KIF3B: variants seen among roughly 807,000 people sequenced by gnomAD.
KIF3B encodes the protein kinesin family member 3B.
Under a neutral mutation model 74.3 loss-of-function variants are expected in KIF3B, and 38 were observed. The observed-to-expected ratio is 0.51, with a 90% CI of 0.39 to 0.67. The LOEUF (loss-of-function observed/expected upper bound fraction) is 0.67. Ranked by LOEUF, KIF3B falls within the 30% of genes least tolerant of loss-of-function variation. The probability of loss-of-function intolerance (pLI) is 0.00; values close to 1 mark genes in which losing one functional copy is unlikely to be tolerated. For missense variants in KIF3B, 649 were observed against 932.0 expected (o/e 0.70, Z 3.95); for synonymous variants, 326 against 342.5 (o/e 0.95, Z 0.53).
intron 1 of KIF3B, among the ~76,000 whole-genome samples, chr20:32,296,167 TTTA>T (rs1371240773): frequency 2.0e-4 from 31 of 152,158 alleles, no homozygotes. Context: ...CCGGCCCATT[TTTA>T]TTATCTTATA....
intron 1 of KIF3B, among the ~76,000 whole-genome samples, chr20:32,279,662 T>A (rs1316901461): frequency 2.0e-5 from 3 of 152,036 alleles, no homozygotes; most frequent in African/African-American, 7.2e-5. Flanking sequence ...ATGGGGTTTC[T>A]CCATGTTGGT....
intron 1 of KIF3B, among the ~76,000 whole-genome samples, chr20:32,295,537 C>G (rs182925312): frequency 2.0e-4 from 31 of 152,242 alleles, no homozygotes; most frequent in Non-Finnish European, 3.2e-4. Flanking sequence ...TCGTGATCCA[C>G]CCGCCTCAGC....
intron 2 of KIF3B, among the ~76,000 whole-genome samples, chr20:32,313,054 A>G (rs2047809492): frequency 6.6e-6 from 1 of 152,168 alleles, no homozygotes; most frequent in African/African-American, 2.4e-5. Context: ...CTACTTTCTT[A>G]TAGTCAGCCT....
intron 1 of KIF3B, among the ~76,000 whole-genome samples, chr20:32,301,565 C>T (rs1002809114): frequency 7.3e-5 from 11 of 151,274 alleles, no homozygotes; most frequent in East Asian, 1.9e-4. Context: ...TTAGTAAAGA[C>T]GGGGTCTCAC....
intron 6 of KIF3B, among the ~76,000 whole-genome samples, chr20:32,327,321 A>G (rs1282453900): frequency 1.3e-5 from 2 of 152,160 alleles, no homozygotes; most frequent in African/African-American, 2.4e-5. Flanking sequence ...GTTGACAGCT[A>G]TGCTTTGTGA....
rs66566110 is a variant in KIF3B, at chr20:32,295,854, CTTTTTT to C, written c.-65-13841_-65-13836del. 3.6e-5 allele frequency among the ~76,000 whole-genome samples: 4 copies of C among 110,854 alleles called. No homozygotes were observed. In the East Asian group the frequency reaches 1.1e-3, roughly 31 times the overall value. 72.7% of individuals were successfully genotyped at this position (110,854 alleles called of 152,430 possible). ...TTATCAATTAAAACATTTTTATTAT[CTTTTTT>C]TTTTTTTTTTTTTTTTTAAATTGAG... On this transcript the variant is annotated intron_variant, in intron 1 of 8. Transcript: ENST00000375712.
intron 1 of KIF3B, among the ~76,000 whole-genome samples, chr20:32,299,757 C>T (rs959396668): frequency 6.6e-6 from 1 of 151,712 alleles, no homozygotes; most frequent in Non-Finnish European, 1.5e-5. Context: ...ATTCAATTCC[C>T]CTATAAATGG....
chr20:32,316,881 G>T lies in KIF3B; in HGVS notation c.1748+7G>T, dbSNP rs765011704. The T allele has an allele frequency of 2.5e-6, 4 of 1,594,314 alleles. No individual in the cohort carries two copies. The Admixed American group carries it at 5.0e-5, about 20-fold the overall frequency. Reference sequence around the variant, plus strand: ...CCAGGGAGCTGAAACTCAAGTAAGTGCCAGGCCTTCCATAGTGCCCCCAAG... The same window carrying T: ...CCAGGGAGCTGAAACTCAAGTAAGTTCCAGGCCTTCCATAGTGCCCCCAAG... On this transcript the variant is annotated splice_region_variant and intron_variant, in intron 5 of 8. Transcript: ENST00000375712.
chr20:32,329,350 CTTTTTTTT>C (rs35042287), intron 7 of KIF3B, among the ~76,000 whole-genome samples: 2 of 140,640 alleles, frequency 1.4e-5, no homozygotes, highest in East Asian at 2.1e-4. Flanking sequence ...CCTTTTTTTT[CTTTTTTTT>C]TTTTTTTTTG....
In KIF3B at chr20:32,316,744, C is replaced by G; in HGVS notation, c.1630-12C>G. The stretch of plus-strand genomic sequence containing the variant: ...CAGACACCCTCCTCACCTGCCTCTC[C>G]CCTCATTCCAGCTCTTCTCCAAGCT... On this transcript the variant is annotated splice_polypyrimidine_tract_variant and intron_variant, in intron 4 of 8. Transcript: ENST00000375712. The G allele has an allele frequency of 6.2e-7, 1 of 1,613,504 alleles. No homozygotes were observed. Among genetic ancestry groups the G allele is most frequent in the South Asian group, 1.1e-5 (1 of 91,064 alleles).
In KIF3B at chr20:32,310,270, G is replaced by T. The variant is rs755234803; in HGVS notation, c.493G>T (p.Glu165Ter). ...CTCAAAGGATCAGACCAAAAGGCTT[G>T]AGCTCAAAGAGAGGCCTGACACAGG... Reference protein sequence around the residue: ...LLSKDQTKRLELKERPDTGVY... With the variant: ...LLSKDQTKRL Residue 165 changes from glutamate to a stop codon, truncating the protein, a stop_gained, in exon 2 of 9, where the codon GAG (glutamate) becomes TAG (stop). Coordinates refer to ENST00000375712, the MANE Select transcript of KIF3B (RefSeq NM_004798.4). LOFTEE classifies it high-confidence loss of function. The surrounding 1 kb of genome is among the most constrained non-coding windows in gnomAD (Gnocchi z 6.5). 2 of 1,613,908 alleles carry T rather than the reference G, an allele frequency of 1.2e-6. No homozygotes were observed. The highest frequency in any genetic ancestry group is 1.7e-6 in the Non-Finnish European group (2 of 1,179,966).
intron 2 of KIF3B, 139 bp downstream of exon 2, chr20:32,311,320 A>G (rs2047799583): frequency 2.4e-6 from 2 of 839,848 alleles, no homozygotes; most frequent in Non-Finnish European, 3.6e-6. Context: ...GATATCCAGT[A>G]CTCAGTAAAC....
chr20:32,330,574 T>G (rs1479164318), intron 8 of KIF3B, among the ~76,000 whole-genome samples: 1 of 152,246 alleles, frequency 6.6e-6, no homozygotes, highest in Non-Finnish European at 1.5e-5. Context: ...TAGCAGTCAG[T>G]TCTTCTGTTC....
intron 5 of KIF3B, among the ~76,000 whole-genome samples, chr20:32,317,619 A>T (rs766465286): frequency 6.6e-6 from 1 of 151,478 alleles, no homozygotes; most frequent in African/African-American, 2.4e-5. Context: ...ATACTTATAT[A>T]TATATATATA....
chr20:32,325,372 TAG>T (rs2047897375), intron 5 of KIF3B, among the ~76,000 whole-genome samples: 1 of 152,062 alleles, frequency 6.6e-6, no homozygotes, highest in Non-Finnish European at 1.5e-5. Flanking sequence ...ATATTTTTAG[TAG>T]AGACAGGGTT....
chr20:32,282,369 A>G (rs973372919), intron 1 of KIF3B, among the ~76,000 whole-genome samples: 1 of 152,096 alleles, frequency 6.6e-6, no homozygotes, highest in Non-Finnish European at 1.5e-5. Context: ...TGATGAAAGG[A>G]CTTTTTGGTA....
intron 1 of KIF3B, among the ~76,000 whole-genome samples, chr20:32,300,672 G>A (rs973853418): frequency 2.0e-5 from 3 of 151,896 alleles, no homozygotes; most frequent in Non-Finnish European, 2.9e-5. Flanking sequence ...CCTCGGCCTC[G>A]CAGAGTGCTA....
chr20:32,322,083 G>A (rs2122707593), intron 5 of KIF3B, among the ~76,000 whole-genome samples: 1 of 152,076 alleles, frequency 6.6e-6, no homozygotes, highest in East Asian at 1.9e-4. Context: ...CATTGAATCT[G>A]TAGATCAATT....
chr20:32,281,588 G>A (rs914315322), intron 1 of KIF3B, among the ~76,000 whole-genome samples: 2 of 152,114 alleles, frequency 1.3e-5, no homozygotes, highest in African/African-American at 2.4e-5. Context: ...GTGGTGGCAC[G>A]TGCCTGTAGT....
Sources: allele counts gnomAD v4.1 joint callset (sites outside exome capture counted in the v4.1 genomes callset), GRCh38; gene constraint gnomAD v4.1.1; non-coding constraint Gnocchi (gnomAD v3.1); transcripts MANE v1.5; gene names NCBI Gene and HGNC (gene_info 2026-07-23, HGNC 2026-07-21).